CSMD1: variants seen among roughly 807,000 people sequenced by gnomAD.
CSMD1 encodes CUB and Sushi multiple domains 1.
A neutral mutation model predicts 417.5 loss-of-function variants in CSMD1; 213 were observed. That is an observed-to-expected ratio of 0.51 (90% CI 0.46 to 0.57). The LOEUF (loss-of-function observed/expected upper bound fraction) is 0.57, where lower values mean the gene tolerates loss of function less well. Ranked by LOEUF, CSMD1 falls within the 20% of genes least tolerant of loss-of-function variation. The probability of loss-of-function intolerance (pLI) is 0.00; values close to 1 mark genes in which losing one functional copy is unlikely to be tolerated. For missense variants in CSMD1, 6,923 were observed against 4,529.7 expected (o/e 1.53, Z -15.17); for synonymous variants, 2,862 against 1,736.8 (o/e 1.65, Z -16.11).
At chr8:4,006,086 G>C (rs574089171) in intron 4 of CSMD1, among the ~76,000 whole-genome samples, 2 of 152,318 alleles carry the variant, frequency 1.3e-5, no homozygotes, top group East Asian at 1.9e-4. Flanking sequence ...ATTCCCAACA[G>C]ATGCAACAGA....
At chr8:3,124,996 G>A (rs1817417322) in intron 41 of CSMD1, among the ~76,000 whole-genome samples, 1 of 152,170 alleles carries the variant, frequency 6.6e-6, no homozygotes, top group Non-Finnish European at 1.5e-5. Context: ...GTTAAACTGA[G>A]TACTTAACTA....
At chr8:3,300,909 G>A (rs7818161) in intron 25 of CSMD1, among the ~76,000 whole-genome samples, 133,121 of 147,262 alleles carry the variant, frequency 0.9, 60,461 homozygotes, top group Middle Eastern at 0.95. Context: ...CAGTGAGCCA[G>A]GATTGCGCCA....
intron 2 of CSMD1, among the ~76,000 whole-genome samples, chr8:4,430,564 G>T (rs190906280): frequency 9.2e-5 from 14 of 151,902 alleles, no homozygotes; most frequent in African/African-American, 2.9e-4. Flanking sequence ...GTTACTCTGG[G>T]GAAGAAAATA....
Position 3,206,590 on chromosome 8 carries a change from G to C in CSMD1, c.4868-970C>G, listed in dbSNP as rs534433464. ...ATGTGTGTGTGTGTGTATGTGTGGG[G>C]GGCGTATGTCTGTATGTGTGTGTAT... is the stretch of plus-strand genomic sequence containing the variant. On this transcript the variant is annotated intron_variant, in intron 30 of 69. Transcript: ENST00000635120. Among the ~76,000 whole-genome samples the C allele has an allele frequency of 1.1e-4, 16 of 139,302 alleles. No individual in the cohort carries two copies. The East Asian group carries it at 3.6e-3, about 31-fold the overall frequency. 91.4% of individuals were successfully genotyped at this position (139,302 alleles called of 152,430 possible). A position where few individuals can be genotyped will look rare whatever the true frequency, so the allele number is the denominator to read the frequency against.
chr8:4,215,466 G>A (rs529184114), intron 3 of CSMD1, among the ~76,000 whole-genome samples: 1 of 150,118 alleles, frequency 6.7e-6, no homozygotes, highest in East Asian at 2.0e-4. Context: ...TTTACACTGA[G>A]AAAAGAATTT....
intron 5 of CSMD1, among the ~76,000 whole-genome samples, chr8:3,851,993 T>A (rs1443304537): frequency 6.6e-6 from 1 of 151,970 alleles, no homozygotes; most frequent in South Asian, 2.1e-4. Context: ...ACTGAGAGCA[T>A]GGAGGGGCTG....
chr8:4,789,510 A>G (rs12682116), intron 1 of CSMD1, among the ~76,000 whole-genome samples: 11,054 of 152,136 alleles, frequency 0.073, 485 homozygotes, highest in East Asian at 0.22. Context: ...AAGCCACCTC[A>G]CCTATATAAT....
At chr8:3,759,198 T>C (rs1212014612) in intron 5 of CSMD1, among the ~76,000 whole-genome samples, 2 of 152,228 alleles carry the variant, frequency 1.3e-5, no homozygotes, top group African/African-American at 2.4e-5. Flanking sequence ...TTGAGATGTA[T>C]ACATTAAATA....
At chr8:3,391,701 G>GT (rs1342440177) in intron 17 of CSMD1, among the ~76,000 whole-genome samples, 1 of 152,162 alleles carries the variant, frequency 6.6e-6, no homozygotes, top group Non-Finnish European at 1.5e-5. Context: ...AGTGAATGCT[G>GT]TTTACAGTAG....
chr8:3,012,399 T>A (rs1460631596), intron 52 of CSMD1, among the ~76,000 whole-genome samples: 1 of 152,148 alleles, frequency 6.6e-6, no homozygotes, highest in Non-Finnish European at 1.5e-5. Context: ...CCAGCTGCAA[T>A]ACTCAAAAAG....
chr8:3,551,158 T>C (rs1311954510), intron 10 of CSMD1, among the ~76,000 whole-genome samples: 1 of 152,212 alleles, frequency 6.6e-6, no homozygotes, highest in African/African-American at 2.4e-5. Context: ...GAAACACTAA[T>C]GTAGCCTATG....
intron 12 of CSMD1, among the ~76,000 whole-genome samples, chr8:3,424,740 G>A (rs1049366767): frequency 2.0e-5 from 3 of 152,178 alleles, no homozygotes; most frequent in Non-Finnish European, 4.4e-5. Flanking sequence ...CAGGTCAACT[G>A]TCAAGGAACC....
intron 5 of CSMD1, among the ~76,000 whole-genome samples, chr8:3,811,116 T>A (rs535637701): frequency 1.3e-5 from 2 of 152,204 alleles, no homozygotes; most frequent in African/African-American, 4.8e-5. Context: ...CTCCTCTGTG[T>A]GTACCTATGT....
intron 3 of CSMD1, among the ~76,000 whole-genome samples, chr8:4,119,424 G>C (rs752638691): frequency 6.6e-6 from 1 of 152,122 alleles, no homozygotes; most frequent in African/African-American, 2.4e-5. Context: ...CAAGTCACAG[G>C]ATGATATTGA....
intron 2 of CSMD1, among the ~76,000 whole-genome samples, chr8:4,444,721 G>C (rs116965602): frequency 0.02 from 3,046 of 152,188 alleles, 52 homozygotes; most frequent in Non-Finnish European, 0.029. Context: ...GGTGCATGAA[G>C]GAAAATAATG....
intron 5 of CSMD1, among the ~76,000 whole-genome samples, chr8:3,991,279 T>G (rs1805149906): frequency 1.3e-5 from 2 of 152,230 alleles, no homozygotes; most frequent in African/African-American, 4.8e-5. Context: ...TGAAAGAAGT[T>G]CGCATTATTT....
chr8:3,388,205 A>G (rs955816241), intron 17 of CSMD1, among the ~76,000 whole-genome samples: 4 of 152,218 alleles, frequency 2.6e-5, no homozygotes, highest in African/African-American at 4.8e-5. Flanking sequence ...TTTGCATTCC[A>G]TAAATCCATG....
At chr8:4,848,836 G>C (rs904131817) in intron 1 of CSMD1, among the ~76,000 whole-genome samples, 2 of 152,138 alleles carry the variant, frequency 1.3e-5, no homozygotes, top group East Asian at 3.8e-4. Flanking sequence ...GAGCCAACGC[G>C]CCCAACCCAG....
intron 1 of CSMD1, among the ~76,000 whole-genome samples, chr8:4,672,577 C>T (rs183214447): frequency 1.3e-5 from 2 of 152,222 alleles, no homozygotes; most frequent in Non-Finnish European, 1.5e-5. Flanking sequence ...AAGACTATTG[C>T]TGATTCCCTA....
Sources: gnomAD v4.1 joint callset for allele counts (sites outside exome capture counted in the v4.1 genomes callset) on GRCh38, gnomAD v4.1.1 for gene constraint, MANE v1.5 for transcripts, NCBI Gene and HGNC (gene_info 2026-07-23, HGNC 2026-07-21) for gene names.